The following CREB5 variants were observed in gnomAD, a reference collection of about 807,000 sequenced individuals.
The protein encoded by CREB5 is cyclic AMP-responsive element-binding protein 5.
In CREB5, 19 loss-of-function variants were observed where a neutral mutation model predicts 57.1. That is an observed-to-expected ratio of 0.33 (90% CI 0.23 to 0.49). The LOEUF is 0.49. Ranked by LOEUF, CREB5 falls within the 20% of genes least tolerant of loss-of-function variation. CREB5 has a pLI of 0.99. For missense variants in CREB5, 579 were observed against 671.6 expected (o/e 0.86, Z 1.52); for synonymous variants, 238 against 238.3 (o/e 1.00, Z 0.01).
At chr7:28,683,879 C>A (rs1490252416) in intron 5 of CREB5, among the ~76,000 whole-genome samples, 2 of 152,162 alleles carry the variant, frequency 1.3e-5, no homozygotes, top group Non-Finnish European at 2.9e-5. Context: ...CTACAGAGAA[C>A]ATTTTCCCAT....
intron 1 of CREB5, among the ~76,000 whole-genome samples, chr7:28,418,945 C>G (rs758323325): frequency 6.6e-6 from 1 of 152,184 alleles, no homozygotes; most frequent in Non-Finnish European, 1.5e-5. Flanking sequence ...CTTTCGGGTG[C>G]TTTCCCATGC....
intron 9 of CREB5, 120 bp from the exon 10 acceptor site, chr7:28,817,951 T>C: frequency 1.5e-6 from 1 of 648,004 alleles, no homozygotes; most frequent in South Asian, 2.2e-5. Context: ...TTAAATAATA[T>C]TCTTAATGTC....
chr7:28,695,385 C>G (rs1801497593), intron 5 of CREB5, among the ~76,000 whole-genome samples: 1 of 152,210 alleles, frequency 6.6e-6, no homozygotes, highest in Admixed American at 6.5e-5. Flanking sequence ...TGTCATATTG[C>G]CCAGGCTAAT....
At chr7:28,348,311 C>G (rs1408950883) in intron 1 of CREB5, among the ~76,000 whole-genome samples, 1 of 151,878 alleles carries the variant, frequency 6.6e-6, no homozygotes, top group African/African-American at 2.4e-5. Flanking sequence ...ACAAGTCATG[C>G]CAATTCTCCA....
chr7:28,445,574 C>T (rs57231567), intron 1 of CREB5, among the ~76,000 whole-genome samples: 5,355 of 150,642 alleles, frequency 0.036, 346 homozygotes, highest in African/African-American at 0.12. Context: ...TTATTTGAGA[C>T]GGAATCTCGC....
intron 5 of CREB5, among the ~76,000 whole-genome samples, chr7:28,637,578 T>C (rs1798473891): frequency 6.6e-6 from 1 of 152,180 alleles, no homozygotes; most frequent in Non-Finnish European, 1.5e-5. Context: ...GAAAAGCTTT[T>C]CTGGAAAGTG....
At chr7:28,447,373 A>G (rs1180328792) in intron 1 of CREB5, among the ~76,000 whole-genome samples, 4 of 152,154 alleles carry the variant, frequency 2.6e-5, no homozygotes, top group African/African-American at 9.7e-5. Context: ...CTAGAGTTTA[A>G]CTCTGAAAGT....
chr7:28,338,162 T>C (rs941043893), intron 1 of CREB5, among the ~76,000 whole-genome samples: 2 of 152,200 alleles, frequency 1.3e-5, no homozygotes, highest in Admixed American at 1.3e-4. Context: ...TACACCATAA[T>C]TACATTGTTG....
intron 1 of CREB5, among the ~76,000 whole-genome samples, chr7:28,484,744 A>C (rs1452226009): frequency 6.6e-6 from 1 of 152,206 alleles, no homozygotes; most frequent in East Asian, 1.9e-4. Context: ...TCAATGACTA[A>C]ACTCTAAGTG....
intron 4 of CREB5, among the ~76,000 whole-genome samples, chr7:28,545,341 T>C (rs1267035678): frequency 6.6e-6 from 1 of 152,264 alleles, no homozygotes; most frequent in Non-Finnish European, 1.5e-5. Flanking sequence ...TGACTGACAC[T>C]TCTCAGAATG....
At chr7:28,462,094 G>T (rs914870197) in intron 1 of CREB5, among the ~76,000 whole-genome samples, 2 of 151,890 alleles carry the variant, frequency 1.3e-5, no homozygotes, top group Non-Finnish European at 2.9e-5. Flanking sequence ...CATAGCCCCC[G>T]GTAACCATTA....
chr7:28,422,722 G>A (rs748775814), intron 1 of CREB5, among the ~76,000 whole-genome samples: 2 of 152,134 alleles, frequency 1.3e-5, no homozygotes, highest in African/African-American at 2.4e-5. Flanking sequence ...CATGTATTAA[G>A]CTGTGAAAGT....
At chr7:28,348,910 G>T (rs1786130262) in intron 1 of CREB5, among the ~76,000 whole-genome samples, 1 of 152,136 alleles carries the variant, frequency 6.6e-6, no homozygotes, top group Admixed American at 6.5e-5. Context: ...ATTTATTTAT[G>T]GCATAACCAA....
At chr7:28,769,402 T>C (rs73684297) in intron 7 of CREB5, among the ~76,000 whole-genome samples, 1,543 of 152,366 alleles carry the variant, frequency 0.01, 35 homozygotes, top group African/African-American at 0.035. Flanking sequence ...CTAATTATCC[T>C]GATTTGATCA....
At chr7:28,737,538 CGTATATATATATATATATATATATAT>C (rs1463181986) in intron 7 of CREB5, among the ~76,000 whole-genome samples, 6 of 47,918 alleles carry the variant, frequency 1.3e-4, no homozygotes, top group Non-Finnish European at 1.5e-4. Context: ...TATATATATA[CGTATATATATATATATATATATATAT>C]ATATATATAT....
chr7:28,635,759 T>C (rs1798393442), intron 5 of CREB5, among the ~76,000 whole-genome samples: 1 of 152,246 alleles, frequency 6.6e-6, no homozygotes. Flanking sequence ...TTTCATTCAT[T>C]TACTCATTCA....
At chr7:28,676,917 C>A (rs1304782575) in intron 5 of CREB5, among the ~76,000 whole-genome samples, 1 of 152,138 alleles carries the variant, frequency 6.6e-6, no homozygotes, top group Non-Finnish European at 1.5e-5. Flanking sequence ...GGTCAGGAAA[C>A]CCTAATCTTA....
At chr7:28,431,702 C>G (rs1469088061) in intron 1 of CREB5, among the ~76,000 whole-genome samples, 1 of 152,110 alleles carries the variant, frequency 6.6e-6, no homozygotes, top group Non-Finnish European at 1.5e-5. Flanking sequence ...TGACCCACAC[C>G]TGAAAACAAA....
intron 7 of CREB5, among the ~76,000 whole-genome samples, chr7:28,729,039 AT>A (rs1803475690): frequency 2.6e-5 from 4 of 152,230 alleles, no homozygotes; most frequent in African/African-American, 9.6e-5. Flanking sequence ...GTCATGCTGT[AT>A]TTTGATCATT....
Sources: allele counts gnomAD v4.1 joint callset (sites outside exome capture counted in the v4.1 genomes callset), GRCh38; gene constraint gnomAD v4.1.1; transcripts MANE v1.5; gene names NCBI Gene and HGNC (gene_info 2026-07-23, HGNC 2026-07-21).